Variants in TMPO observed in about 807,000 individuals in gnomAD.
TMPO encodes LEM domain containing 4.
Under a neutral mutation model 45.4 loss-of-function variants are expected in TMPO, and 22 were observed. The ratio of observed to expected loss-of-function variants is 0.48; its 90% confidence interval spans 0.35 to 0.69. TMPO has a LOEUF of 0.69. Ranked by LOEUF, TMPO falls within the 30% of genes least tolerant of loss-of-function variation. The pLI, the probability that TMPO is intolerant of heterozygous loss-of-function variation, is 0.01. For missense variants in TMPO, 512 were observed against 548.8 expected, an observed-to-expected ratio of 0.93 and a Z score of 0.67; for synonymous variants, 241 against 204.1, an observed-to-expected ratio of 1.18 and a Z score of -1.54.
chr12:98,520,681 T>C (rs1437299241), intron 1 of TMPO, among the ~76,000 whole-genome samples: 2 of 151,456 alleles, frequency 1.3e-5, no homozygotes, highest in Admixed American at 6.6e-5. Context: ...TGGAGTGCAG[T>C]GGTGCAATCT....
At chr12:98,525,783 G>T (rs1876721964) in intron 1 of TMPO, among the ~76,000 whole-genome samples, 1 of 151,162 alleles carries the variant, frequency 6.6e-6, no homozygotes, top group East Asian at 1.9e-4. Context: ...GACAATTCTA[G>T]GTCAGAACAT....
rs1478711176 is a variant in TMPO, at chr12:98,549,553, AAGT to A, written c.*1701_*1703del. The A allele has an allele frequency of 9.3e-6, 1 of 107,254 alleles. No individual in the cohort carries two copies. Among genetic ancestry groups the A allele is most frequent in the African/African-American group, 3.3e-5 (1 of 30,318 alleles). The allele number at this position is 107,254 out of a possible 1,614,324, so 6.6% of individuals were successfully genotyped here. A position where few individuals can be genotyped will look rare whatever the true frequency, so the allele number is the denominator to read the frequency against. ...ACTTACCTCATGAATAACTTGATTA[AAGT>A]AGTAGGTGATTAAAATTTCAATAGA... On this transcript the variant is annotated 3_prime_UTR_variant, in exon 9 of 9. Coordinates refer to ENST00000556029, the MANE Select transcript of TMPO (RefSeq NM_001032283.3).
chr12:98,519,383 G>A (rs1876153451), intron 1 of TMPO, among the ~76,000 whole-genome samples: 1 of 152,096 alleles, frequency 6.6e-6, no homozygotes, highest in Admixed American at 6.6e-5. Flanking sequence ...ATTTTTAGTA[G>A]AGAAGGGGTT....
intron 4 of TMPO, among the ~76,000 whole-genome samples, chr12:98,538,555 G>C (rs1877712802): frequency 6.6e-6 from 1 of 152,094 alleles, no homozygotes; most frequent in African/African-American, 2.4e-5. Flanking sequence ...GTTTCACCGT[G>C]TTGGCCAGGC....
chr12:98,525,859 T>C (rs931298720), intron 1 of TMPO, among the ~76,000 whole-genome samples: 2 of 152,190 alleles, frequency 1.3e-5, no homozygotes, highest in African/African-American at 4.8e-5. Flanking sequence ...CCCCTAATAT[T>C]ATTGGAAAGT....
chr12:98,544,139 C>A, intron 4 of TMPO, 91 bp from the exon 5 acceptor site: 1 of 1,446,094 alleles, frequency 6.9e-7, no homozygotes. Flanking sequence ...TTGGAGACTT[C>A]TATTTCATGG....
rs1041127598 is a variant in TMPO, at chr12:98,533,551, C to G, written c.565+1713C>G. Reference sequence around the variant, plus strand: ...GTCTCCTCCAAGAAAAGTCCCTAGACTGAGTGAGAAGTCAGTGGAGGAAAG... The same window carrying G: ...GTCTCCTCCAAGAAAAGTCCCTAGAGTGAGTGAGAAGTCAGTGGAGGAAAG... On this transcript the variant is annotated intron_variant, in intron 3 of 8. Transcript: ENST00000556029. 6.2e-6 allele frequency: 10 copies of G among 1,614,072 alleles called. No individual in the cohort carries two copies. The highest frequency in any genetic ancestry group is 7.6e-6 in the Non-Finnish European group (9 of 1,180,028).
At chr12:98,539,734 A>T (rs1486968457) in intron 4 of TMPO, among the ~76,000 whole-genome samples, 1 of 152,246 alleles carries the variant, frequency 6.6e-6, no homozygotes, top group Non-Finnish European at 1.5e-5. Context: ...TTGGCCTCCC[A>T]GATTGCTGGG....
At chr12:98,532,136 A>C (rs1337529242) in intron 3 of TMPO, 1 of 297,974 alleles carries the variant, frequency 3.4e-6, no homozygotes, top group Non-Finnish European at 6.4e-6. Flanking sequence ...AGTTTCTCGT[A>C]CTTACCTGTA....
chr12:98,543,196 C>G (rs10860341), intron 4 of TMPO, among the ~76,000 whole-genome samples: 10 of 152,058 alleles, frequency 6.6e-5, no homozygotes, highest in African/African-American at 1.9e-4. Flanking sequence ...TGACTTGGAC[C>G]TAAAACCATC....
At chr12:98,518,522 G>C (rs1053880490) in intron 1 of TMPO, among the ~76,000 whole-genome samples, 1 of 135,410 alleles carries the variant, frequency 7.4e-6, no homozygotes, top group African/African-American at 2.9e-5. Context: ...TGTTGTCCAG[G>C]CTGGTCTAGA....
At chr12:98,521,797 T>G (rs1312327927) in intron 1 of TMPO, among the ~76,000 whole-genome samples, 2 of 151,982 alleles carry the variant, frequency 1.3e-5, no homozygotes, top group Non-Finnish European at 2.9e-5. Flanking sequence ...TGGCGCGATC[T>G]CGGCTCACTG....
intron 2 of TMPO, among the ~76,000 whole-genome samples, chr12:98,530,626 G>A (rs1053846340): frequency 6.6e-6 from 1 of 152,114 alleles, no homozygotes; most frequent in South Asian, 2.1e-4. Flanking sequence ...TGTGATATGT[G>A]TTTTCCATAA....
At chr12:98,534,528 G>T (rs139018373) in intron 3 of TMPO, 5 of 1,401,920 alleles carry the variant, frequency 3.6e-6, no homozygotes, top group Non-Finnish European at 4.6e-6. Flanking sequence ...AAAGATTTGC[G>T]TAGATAGGAA....
chr12:98,549,379 C>G lies in TMPO; in HGVS notation c.*1521C>G, dbSNP rs942359153. Reference sequence around the variant, plus strand: ...GTTTCACCATGTTGGCCAGGCTGGTCTCGAACCCCTGACCTCAAGTGATCA... The same window carrying G: ...GTTTCACCATGTTGGCCAGGCTGGTGTCGAACCCCTGACCTCAAGTGATCA... On this transcript the variant is annotated 3_prime_UTR_variant, in exon 9 of 9. Coordinates refer to ENST00000556029, the MANE Select transcript of TMPO (RefSeq NM_001032283.3). The G allele has an allele frequency of 6.8e-6, 1 of 146,610 alleles. No individual in the cohort carries two copies. Among genetic ancestry groups the G allele is most frequent in the African/African-American group, 2.5e-5 (1 of 39,894 alleles). The allele number at this position is 146,610 out of a possible 1,614,324, so 9.1% of individuals were successfully genotyped here.
chr12:98,534,589 T>G, intron 3 of TMPO: 9 of 1,266,400 alleles, frequency 7.1e-6, no homozygotes, highest in Non-Finnish European at 9.0e-6. Context: ...AGTCTCTAAG[T>G]TGTTTTCTGT....
At chr12:98,524,176 A>T (rs889969527) in intron 1 of TMPO, among the ~76,000 whole-genome samples, 2 of 152,218 alleles carry the variant, frequency 1.3e-5, no homozygotes, top group African/African-American at 4.8e-5. Context: ...GCTTGCCTCA[A>T]TGCTGCATCC....
chr12:98,521,693 A>G (rs1876378285), intron 1 of TMPO, among the ~76,000 whole-genome samples: 1 of 152,138 alleles, frequency 6.6e-6, no homozygotes, highest in Admixed American at 6.5e-5. Context: ...ATTTGGATCT[A>G]GTGGAGCATA....
chr12:98,517,209 A>T (rs1350696219), intron 1 of TMPO, among the ~76,000 whole-genome samples: 3 of 152,226 alleles, frequency 2.0e-5, no homozygotes, highest in African/African-American at 7.2e-5. Flanking sequence ...TTCAGGAAAA[A>T]TTTATTTCAT....
Sources: gnomAD v4.1 joint callset for allele counts (sites outside exome capture counted in the v4.1 genomes callset) on GRCh38, gnomAD v4.1.1 for gene constraint, MANE v1.5 for transcripts, NCBI Gene and HGNC (gene_info 2026-07-23, HGNC 2026-07-21) for gene names.